CMIP: variants seen among roughly 807,000 people sequenced by gnomAD.
CMIP encodes the protein C-Maf-inducing protein.
CMIP carries 13 observed loss-of-function variants against 97.3 expected under a neutral mutation model. The ratio of observed to expected loss-of-function variants is 0.13; its 90% CI spans 0.09 to 0.21. The LOEUF (loss-of-function observed/expected upper bound fraction) is 0.21. Among genes scored for constraint, CMIP ranks in the 10% least tolerant of loss-of-function variants. The pLI is 1.00. For missense variants in CMIP, 847 were observed against 1,024.9 expected (o/e 0.83, Z 2.37); for synonymous variants, 538 against 436.3 (o/e 1.23, Z -2.91).
chr16:81,621,153 C>T lies in CMIP; in HGVS notation c.477+227C>T, dbSNP rs541161379. ...GCATTCTCGCCCTGGTGTTCTCAAA[C>T]CCTATAGCTGTTTTCCTGCTTCAAA... On this transcript the variant is annotated intron_variant, in intron 3 of 20. Transcript: ENST00000537098. This position sits in a 1 kb window ranked among gnomAD's most constrained non-coding sequence, Gnocchi z 4.1. 140 of 507,736 alleles carry T rather than the reference C, an allele frequency of 2.8e-4. 1 individual carries two copies. In the South Asian group the frequency reaches 3.1e-3, roughly 11 times the overall value. The allele number at this position is 507,736 out of a possible 1,614,324, so 31.5% of individuals were successfully genotyped here.
chr16:81,464,824 G>C (rs1025952302), intron 1 of CMIP: 1 of 152,188 alleles, frequency 6.6e-6, no homozygotes, highest in East Asian at 1.9e-4. Context: ...GTCCTTCTGT[G>C]TCTGGCTTAT....
intron 2 of CMIP, chr16:81,619,715 A>G (rs2091968198): frequency 6.6e-6 from 1 of 152,214 alleles, no homozygotes; most frequent in South Asian, 2.1e-4. Flanking sequence ...ACCTGGGTTC[A>G]ATTCCTGGCC....
At chr16:81,556,726 C>T (rs907992199) in intron 1 of CMIP, among the ~76,000 whole-genome samples, 3 of 152,218 alleles carry the variant, frequency 2.0e-5, no homozygotes, top group Non-Finnish European at 4.4e-5. Flanking sequence ...GAACCGTACA[C>T]TTAAATGGTT....
chr16:81,576,921 T>C (rs1567589490), intron 1 of CMIP, among the ~76,000 whole-genome samples: 1 of 152,056 alleles, frequency 6.6e-6, no homozygotes, highest in Non-Finnish European at 1.5e-5. Flanking sequence ...GATCACATCA[T>C]CACCACCACC....
chr16:81,643,785 ATAAG>A (rs1214349057), intron 3 of CMIP, among the ~76,000 whole-genome samples: 2 of 149,522 alleles, frequency 1.3e-5, no homozygotes, highest in Non-Finnish European at 3.0e-5. Context: ...CTCTGTCTCA[ATAAG>A]TAAGTAAATA....
chr16:81,630,188 G>A (rs7184768), intron 3 of CMIP: 63,462 of 152,018 alleles, frequency 0.42, 13,763 homozygotes, highest in East Asian at 0.66. Context: ...CAGCTGTTCA[G>A]TATTTAGAAT....
At chr16:81,498,124 C>G (rs1046710841) in intron 1 of CMIP, among the ~76,000 whole-genome samples, 7 of 152,222 alleles carry the variant, frequency 4.6e-5, no homozygotes, top group African/African-American at 1.4e-4. Context: ...GGGTTGGAAC[C>G]TGCTGCTCCC....
chr16:81,695,189 G>T (rs1187897410), intron 13 of CMIP, among the ~76,000 whole-genome samples: 1 of 152,230 alleles, frequency 6.6e-6, no homozygotes, highest in Non-Finnish European at 1.5e-5. Context: ...CCAGGCCCTT[G>T]TTCTCCTGTT....
chr16:81,695,814 G>GC (rs1325981060), intron 13 of CMIP: 1 of 152,948 alleles, frequency 6.5e-6, no homozygotes, highest in East Asian at 1.9e-4. Context: ...CACTGAAATT[G>GC]CCCCCAGCCA....
chr16:81,535,043 C>G (rs148417815), intron 1 of CMIP, among the ~76,000 whole-genome samples: 2 of 152,110 alleles, frequency 1.3e-5, no homozygotes, highest in African/African-American at 4.8e-5. Context: ...CTCTGCCTCC[C>G]GGGTTCATGC....
rs374821819 is a variant in CMIP at position 81,701,848 on chromosome 16, G to C, written c.1896+48G>C. The C allele has an allele frequency of 6.7e-5, 108 of 1,609,368 alleles. No homozygotes were observed. The African/African-American group carries it at 9.3e-4, about 14-fold the overall frequency. ...CCACTCCCCTGCCCAGCAGGCCAGG[G>C]GGGGCCAGGGCGGGATGCGGGGCAG... On this transcript the variant is annotated intron_variant, in intron 16 of 20. Transcript: ENST00000537098.
chr16:81,592,152 T>A (rs527289460), intron 1 of CMIP, among the ~76,000 whole-genome samples: 19 of 152,296 alleles, frequency 1.2e-4, no homozygotes, highest in Middle Eastern at 3.4e-3. Context: ...TTTACTTTTT[T>A]ATGCACCTTA....
intron 1 of CMIP, among the ~76,000 whole-genome samples, chr16:81,462,201 A>G (rs999603053): frequency 1.2e-4 from 19 of 152,318 alleles, no homozygotes; most frequent in Admixed American, 9.8e-4. Flanking sequence ...CACAGTCACC[A>G]AAAATCAAAA....
chr16:81,578,956 G>C (rs1263465441), intron 1 of CMIP, among the ~76,000 whole-genome samples: 1 of 152,226 alleles, frequency 6.6e-6, no homozygotes, highest in Non-Finnish European at 1.5e-5. Flanking sequence ...ACAGCAGAGG[G>C]AACACTGGAC....
Position 81,554,430 on chromosome 16 carries a change from G to A in CMIP, c.301-53137G>A, listed in dbSNP as rs987296706. Among the ~76,000 whole-genome samples the A allele has an allele frequency of 6.6e-5, 10 of 152,326 alleles. No homozygotes were observed. In the South Asian group the frequency reaches 1.0e-3, roughly 16 times the overall value. On this transcript the variant is annotated intron_variant, in intron 1 of 20. Transcript: ENST00000537098. Reference sequence around the variant, plus strand: ...CCGTTCTGCTACTTCTCAGAACTGTGTGCCCTGGCAGACATCAATAATCAA... The same window carrying A: ...CCGTTCTGCTACTTCTCAGAACTGTATGCCCTGGCAGACATCAATAATCAA...
chr16:81,479,356 C>T (rs1233777529), intron 1 of CMIP, among the ~76,000 whole-genome samples: 2 of 152,082 alleles, frequency 1.3e-5, no homozygotes, highest in African/African-American at 2.4e-5. Flanking sequence ...ATAAAATACA[C>T]GTAACATAAA....
chr16:81,481,112 G>C (rs577184454), intron 1 of CMIP, among the ~76,000 whole-genome samples: 38 of 152,338 alleles, frequency 2.5e-4, no homozygotes, highest in Non-Finnish European at 5.0e-4. Flanking sequence ...ATTTGCGTTT[G>C]AGATTTTTGA....
chr16:81,612,677 C>T (rs952808216), intron 2 of CMIP, among the ~76,000 whole-genome samples: 3 of 152,186 alleles, frequency 2.0e-5, no homozygotes, highest in East Asian at 1.9e-4. Context: ...AATTGGGCAG[C>T]GTTTGCCTGG....
intron 5 of CMIP, among the ~76,000 whole-genome samples, chr16:81,659,929 C>T (rs1232457804): frequency 6.6e-6 from 1 of 152,230 alleles, no homozygotes; most frequent in Non-Finnish European, 1.5e-5. Context: ...CTGGAGCCTC[C>T]TTTCATTCCA....
Sources: gnomAD v4.1 joint callset for allele counts (sites outside exome capture counted in the v4.1 genomes callset) on GRCh38, gnomAD v4.1.1 for gene constraint, Gnocchi (gnomAD v3.1) non-coding constraint, MANE v1.5 for transcripts, NCBI Gene and HGNC (gene_info 2026-07-23, HGNC 2026-07-21) for gene names.